Variants in LRFN2 observed in about 807,000 individuals in gnomAD.
LRFN2 encodes the protein leucine rich repeat and fibronectin type III domain containing 2, also known as leucine-rich repeat and fibronectin type-III domain-containing protein 2.
Under a neutral mutation model 37.3 loss-of-function variants are expected in LRFN2, and 18 were observed. The observed-to-expected ratio is 0.48, with a 90% CI of 0.33 to 0.72. The LOEUF (loss-of-function observed/expected upper bound fraction) is 0.72, where lower values mean the gene tolerates loss of function less well. Among genes scored for constraint, LRFN2 ranks in the 30% least tolerant of loss-of-function variants. LRFN2 has a pLI of 0.02. For synonymous variants in LRFN2, 556 were observed against 466.6 expected, an observed-to-expected ratio of 1.19 and a Z score of -2.47; for missense variants, 1,006 against 1,060.7, an observed-to-expected ratio of 0.95 and a Z score of 0.72.
intron 1 of LRFN2, among the ~76,000 whole-genome samples, chr6:40,490,288 C>T (rs1447034522): frequency 6.6e-6 from 1 of 152,212 alleles, no homozygotes; most frequent in Non-Finnish European, 1.5e-5. Flanking sequence ...TTGGAACAGA[C>T]TCTCTGGTTA....
At chr6:40,427,946 A>C (rs1324802059) in intron 2 of LRFN2, among the ~76,000 whole-genome samples, 1 of 152,180 alleles carries the variant, frequency 6.6e-6, no homozygotes, top group South Asian at 2.1e-4. Context: ...TCCTCTCCAT[A>C]GTATTGGTCT....
chr6:40,533,589 C>T (rs1298792243), intron 1 of LRFN2, among the ~76,000 whole-genome samples: 1 of 152,172 alleles, frequency 6.6e-6, no homozygotes, highest in East Asian at 1.9e-4. Flanking sequence ...TAGACTCAGT[C>T]AGGTCAGCTC....
chr6:40,513,778 A>G (rs563956979), intron 1 of LRFN2, among the ~76,000 whole-genome samples: 1 of 152,298 alleles, frequency 6.6e-6, no homozygotes, highest in South Asian at 2.1e-4. Flanking sequence ...GTAGTCAGGA[A>G]GGTCTCATCA....
chr6:40,400,910 G>T (rs1762724771), intron 2 of LRFN2, among the ~76,000 whole-genome samples: 1 of 151,618 alleles, frequency 6.6e-6, no homozygotes, highest in Non-Finnish European at 1.5e-5. Context: ...CCAGAGTGTA[G>T]GTGTTTACAT....
intron 1 of LRFN2, among the ~76,000 whole-genome samples, chr6:40,560,585 A>G (rs987748456): frequency 6.6e-6 from 1 of 152,148 alleles, no homozygotes; most frequent in Non-Finnish European, 1.5e-5. Context: ...ACTAACTCAC[A>G]TCAAATCAGA....
At chr6:40,407,799 TG>T (rs1320345517) in intron 2 of LRFN2, 1 of 152,306 alleles carries the variant, frequency 6.6e-6, no homozygotes, top group Admixed American at 6.5e-5. Context: ...CATAATTTCA[TG>T]GGGGCATCAC....
intron 2 of LRFN2, among the ~76,000 whole-genome samples, chr6:40,426,942 C>T (rs554355155): frequency 3.3e-5 from 5 of 152,270 alleles, no homozygotes; most frequent in African/African-American, 9.6e-5. Context: ...CTTCCATTAG[C>T]GCAACTAAAA....
At chr6:40,512,296 A>G (rs1399332552) in intron 1 of LRFN2, among the ~76,000 whole-genome samples, 2 of 152,336 alleles carry the variant, frequency 1.3e-5, no homozygotes, top group South Asian at 2.1e-4. Flanking sequence ...TCCTGTGGAT[A>G]ACACTGCCAC....
chr6:40,491,430 T>C (rs1765094414), intron 1 of LRFN2, among the ~76,000 whole-genome samples: 1 of 152,234 alleles, frequency 6.6e-6, no homozygotes, highest in South Asian at 2.1e-4. Flanking sequence ...GGAGGGCTCC[T>C]AGCATCCCGG....
chr6:40,507,774 C>T lies in LRFN2; in HGVS notation c.-18-74643G>A, dbSNP rs139744790. 1.6e-4 allele frequency among the ~76,000 whole-genome samples: 25 copies of T among 152,306 alleles called. 1 individual carries two copies. The highest frequency in any genetic ancestry group is 3.9e-4 in the East Asian group (2 of 5,178). On this transcript the variant is annotated intron_variant, in intron 1 of 2. Transcript: ENST00000338305. The stretch of plus-strand genomic sequence containing the variant: ...GATCATGCCTCTTGTAGATTTGAAA[C>T]GACCTACTCACAAAATACACAGGCC...
intron 1 of LRFN2, among the ~76,000 whole-genome samples, chr6:40,577,832 A>AATAAAAATAT (rs1767325314): frequency 9.1e-6 from 1 of 109,740 alleles, no homozygotes; most frequent in Non-Finnish European, 2.0e-5. Flanking sequence ...AATAAAAATA[A>AATAAAAATAT]ATAAAAATAA....
At chr6:40,552,502 T>G (rs1451035896) in intron 1 of LRFN2, among the ~76,000 whole-genome samples, 1 of 152,208 alleles carries the variant, frequency 6.6e-6, no homozygotes, top group Non-Finnish European at 1.5e-5. Context: ...TTCTTACACA[T>G]GTAGCTGAGC....
chr6:40,430,512 C>T (rs1763453521), intron 2 of LRFN2, among the ~76,000 whole-genome samples: 1 of 152,232 alleles, frequency 6.6e-6, no homozygotes, highest in African/African-American at 2.4e-5. Context: ...ACCATACATT[C>T]CTTGAGCGGT....
intron 2 of LRFN2, 64 bp downstream of exon 2, chr6:40,431,649 TC>T: frequency 7.1e-7 from 1 of 1,411,716 alleles, no homozygotes. Flanking sequence ...CCCCAAGACC[TC>T]CCCATCCCCT....
chr6:40,522,819 T>C (rs1766123292), intron 1 of LRFN2, among the ~76,000 whole-genome samples: 1 of 152,216 alleles, frequency 6.6e-6, no homozygotes, highest in Non-Finnish European at 1.5e-5. Context: ...GAATCAGGGA[T>C]GACAGCCACT....
intron 1 of LRFN2, among the ~76,000 whole-genome samples, chr6:40,521,300 A>G (rs937947686): frequency 6.6e-6 from 1 of 152,152 alleles, no homozygotes; most frequent in African/African-American, 2.4e-5. Flanking sequence ...GGAGAGGTTT[A>G]GAAAGGGCAC....
chr6:40,527,540 G>C (rs941000086), intron 1 of LRFN2, among the ~76,000 whole-genome samples: 28 of 152,198 alleles, frequency 1.8e-4, no homozygotes, highest in African/African-American at 6.0e-4. Flanking sequence ...GTCATGGAAG[G>C]AAGAGACCTG....
intron 1 of LRFN2, among the ~76,000 whole-genome samples, chr6:40,481,499 A>C (rs1764832079): frequency 6.6e-6 from 1 of 152,068 alleles, no homozygotes; most frequent in African/African-American, 2.4e-5. Context: ...ACTGAAAAGC[A>C]GTCCCTGGTT....
At chr6:40,405,137 A>AAGCTACCC (rs1381586652) in intron 2 of LRFN2, among the ~76,000 whole-genome samples, 1 of 152,206 alleles carries the variant, frequency 6.6e-6, no homozygotes, top group Admixed American at 6.5e-5. Flanking sequence ...TCTCATGTTC[A>AAGCTACCC]AGCTACCCAG....
Sources: gnomAD v4.1 joint callset for allele counts (sites outside exome capture counted in the v4.1 genomes callset) on GRCh38, gnomAD v4.1.1 for gene constraint, MANE v1.5 for transcripts, NCBI Gene and HGNC (gene_info 2026-07-23, HGNC 2026-07-21) for gene names.